The following SEMA4D variants were observed in gnomAD, a reference collection of about 807,000 sequenced individuals.
SEMA4D encodes semaphorin-4D.
A neutral mutation model predicts 74.8 loss-of-function variants in SEMA4D; 22 were observed. The ratio of observed to expected loss-of-function variants is 0.29; its 90% confidence interval spans 0.21 to 0.42. The LOEUF (loss-of-function observed/expected upper bound fraction) is 0.42, where lower values mean the gene tolerates loss of function less well. SEMA4D is among the 10% of genes least tolerant of loss of function. The probability of loss-of-function intolerance (pLI) is 1.00; values close to 1 mark genes in which losing one functional copy is unlikely to be tolerated. For synonymous variants in SEMA4D, 445 were observed against 463.7 expected, an observed-to-expected ratio of 0.96 and a Z score of 0.52; for missense variants, 937 against 1,118.4, an observed-to-expected ratio of 0.84 and a Z score of 2.31.
At chr9:89,425,012 G>A (rs771799504) in intron 2 of SEMA4D, among the ~76,000 whole-genome samples, 6 of 152,156 alleles carry the variant, frequency 3.9e-5, no homozygotes, top group Non-Finnish European at 7.4e-5. Flanking sequence ...TGCTAGGTGT[G>A]CATTTTCCCC....
intron 2 of SEMA4D, among the ~76,000 whole-genome samples, chr9:89,437,004 A>G (rs1343176818): frequency 6.6e-6 from 1 of 152,164 alleles, no homozygotes; most frequent in Non-Finnish European, 1.5e-5. Flanking sequence ...CCTTGGACTC[A>G]GGAATCACGA....
chr9:89,406,184 A>G (rs1160293079), intron 2 of SEMA4D, among the ~76,000 whole-genome samples: 3 of 152,194 alleles, frequency 2.0e-5, no homozygotes, highest in Non-Finnish European at 4.4e-5. Flanking sequence ...ACACACATGC[A>G]CACACACAAC....
At position 89,391,430 on chromosome 9, in the gene SEMA4D, C is replaced by T; in HGVS notation, c.623-15G>A. On this transcript the variant is annotated splice_polypyrimidine_tract_variant and intron_variant, in intron 8 of 15. Transcript: ENST00000422704. ...GAAACTAGGCTCTGCAGAGAGAGGACAGTGATTATCCCAGAACACAGAGCT... is the reference window on the plus strand; with the variant it reads ...GAAACTAGGCTCTGCAGAGAGAGGATAGTGATTATCCCAGAACACAGAGCT... 6.2e-7 allele frequency: 1 copy of T among 1,614,044 alleles called. No homozygotes were observed. The highest frequency in any genetic ancestry group is 1.1e-5 in the South Asian group (1 of 91,074).
chr9:89,438,531 T>C (rs926490785), intron 2 of SEMA4D, among the ~76,000 whole-genome samples: 11 of 152,232 alleles, frequency 7.2e-5, no homozygotes, highest in Non-Finnish European at 1.5e-4. Context: ...GCTATGCCAG[T>C]CAAACCCACA....
intron 16 of SEMA4D, among the ~76,000 whole-genome samples, chr9:89,371,094 G>A (rs1422270707): frequency 2.7e-5 from 1 of 36,956 alleles, no homozygotes; most frequent in Non-Finnish European, 5.7e-5. Flanking sequence ...TATGTCTGGG[G>A]TGTATAAGGT....
At chr9:89,495,579 T>C (rs1825943818) in intron 1 of SEMA4D, among the ~76,000 whole-genome samples, 1 of 152,196 alleles carries the variant, frequency 6.6e-6, no homozygotes, top group African/African-American at 2.4e-5. Context: ...TCTAGTCTTC[T>C]TCCTGGAATT....
intron 1 of SEMA4D, among the ~76,000 whole-genome samples, chr9:89,495,769 G>A (rs2136306327): frequency 6.6e-6 from 1 of 152,242 alleles, no homozygotes; most frequent in East Asian, 1.9e-4. Flanking sequence ...GGGTCAGGAG[G>A]AGAATCTGCA....
chr9:89,371,404 TC>T (rs1834724439), intron 16 of SEMA4D, among the ~76,000 whole-genome samples: 1 of 101,934 alleles, frequency 9.8e-6, no homozygotes, highest in Non-Finnish European at 2.0e-5. Context: ...GTGGTGTGTG[TC>T]TGGGGTGTGG....
chr9:89,432,389 T>C (rs1224963267), intron 2 of SEMA4D, among the ~76,000 whole-genome samples: 1 of 152,094 alleles, frequency 6.6e-6, no homozygotes, highest in Non-Finnish European at 1.5e-5. Context: ...AAATTCAGGA[T>C]GATCAGGGCG....
In SEMA4D at chr9:89,476,633, C is replaced by T. The variant is rs755075980; in HGVS notation, c.-309-20680G>A. Among the ~76,000 whole-genome samples the T allele has an allele frequency of 6.6e-5, 10 of 152,306 alleles. No homozygotes were observed. The East Asian group carries it at 9.6e-4, about 15-fold the overall frequency. ...TCCAGCCTGCTGTATATTTTAGACT[C>T]GTGGCATCTCCACAATCAGGTGAGC... is the stretch of plus-strand genomic sequence containing the variant. On this transcript the variant is annotated intron_variant, in intron 1 of 15. Coordinates refer to ENST00000422704, the MANE Select transcript of SEMA4D (RefSeq NM_001371194.2).
At chr9:89,417,823 C>A (rs182828584) in intron 2 of SEMA4D, among the ~76,000 whole-genome samples, 6 of 152,188 alleles carry the variant, frequency 3.9e-5, no homozygotes, top group African/African-American at 1.4e-4. Context: ...ATAGGGGGAG[C>A]TGGGACAAGC....
At chr9:89,363,064 C>G (rs1168055222) in intron 18 of SEMA4D, among the ~76,000 whole-genome samples, 4 of 152,214 alleles carry the variant, frequency 2.6e-5, no homozygotes, top group East Asian at 1.9e-4. Flanking sequence ...GGAGGGTTCC[C>G]CATCTGTCCA....
At chr9:89,399,560 G>A (rs912378589) in intron 4 of SEMA4D, among the ~76,000 whole-genome samples, 1 of 152,204 alleles carries the variant, frequency 6.6e-6, no homozygotes, top group African/African-American at 2.4e-5. Context: ...GAGTCTGGAA[G>A]ACCAGCTCCA....
In SEMA4D at chr9:89,430,676, A is replaced by G. The variant is rs1219591833; in HGVS notation, c.-243-24977T>C. ...CCTTATCAGTAAAAATCTGTCATCCAAATATGCACCATCAGATGGGCCGAG... is the reference window on the plus strand; with the variant it reads ...CCTTATCAGTAAAAATCTGTCATCCGAATATGCACCATCAGATGGGCCGAG... On this transcript the variant is annotated intron_variant, in intron 2 of 15. Coordinates refer to ENST00000422704, the MANE Select transcript of SEMA4D (RefSeq NM_001371194.2). Among the ~76,000 whole-genome samples the G allele has an allele frequency of 5.3e-5, 8 of 152,204 alleles. No individual in the cohort carries two copies. In the East Asian group the frequency reaches 1.3e-3, roughly 26 times the overall value.
chr9:89,418,047 T>A, intron 2 of SEMA4D: 3 of 971,484 alleles, frequency 3.1e-6, no homozygotes, highest in Non-Finnish European at 3.7e-6. Flanking sequence ...ATGAATAAAG[T>A]GGTTTTACCT....
intron 2 of SEMA4D, among the ~76,000 whole-genome samples, chr9:89,444,954 G>A (rs1852488694): frequency 6.6e-6 from 1 of 152,110 alleles, no homozygotes; most frequent in African/African-American, 2.4e-5. Flanking sequence ...CATCCCGACA[G>A]AACAGGGTCA....
intron 2 of SEMA4D, among the ~76,000 whole-genome samples, chr9:89,414,712 A>C (rs963488870): frequency 6.6e-6 from 1 of 152,192 alleles, no homozygotes; most frequent in Non-Finnish European, 1.5e-5. Context: ...GTTTTCCTAG[A>C]ATTAAAATGG....
chr9:89,420,473 T>C (rs1414704949), intron 2 of SEMA4D, among the ~76,000 whole-genome samples: 1 of 152,240 alleles, frequency 6.6e-6, no homozygotes, highest in Non-Finnish European at 1.5e-5. Context: ...CATTTCCCTC[T>C]CATGGCCTTC....
intron 1 of SEMA4D, among the ~76,000 whole-genome samples, chr9:89,480,595 G>A (rs954646292): frequency 2.6e-5 from 4 of 152,224 alleles, no homozygotes; most frequent in East Asian, 1.9e-4. Flanking sequence ...GTGAGAAATC[G>A]AGCACAGCGC....
Sources: allele counts gnomAD v4.1 joint callset (sites outside exome capture counted in the v4.1 genomes callset), GRCh38; gene constraint gnomAD v4.1.1; transcripts MANE v1.5; gene names NCBI Gene and HGNC (gene_info 2026-07-23, HGNC 2026-07-21).